DCX: variants seen among roughly 807,000 people sequenced by gnomAD.
DCX encodes neuronal migration protein doublecortin.
Under a neutral mutation model 20.9 loss-of-function variants are expected in DCX, and 4 were observed. The ratio of observed to expected loss-of-function variants is 0.19; its 90% CI spans 0.09 to 0.44. The LOEUF (loss-of-function observed/expected upper bound fraction) is 0.44, where lower values mean the gene tolerates loss of function less well. Among genes scored for constraint, DCX ranks in the 20% least tolerant of loss-of-function variants. The pLI is 0.99. For synonymous variants in DCX, 103 were observed against 111.4 expected, an observed-to-expected ratio of 0.92 and a Z score of 0.47; for missense variants, 133 against 296.9, an observed-to-expected ratio of 0.45 and a Z score of 4.06.
In DCX at chrX:111,339,966, T is replaced by C. The variant is rs190913676; in HGVS notation, c.706-6813A>G. Among the ~76,000 whole-genome samples, 3 of 112,738 alleles carry C rather than the reference T, an allele frequency of 2.7e-5. No homozygotes were observed. In the East Asian group the frequency reaches 8.4e-4, roughly 32 times the overall value. ...ACAACATAGCCTCATAACTGTTCTC[T>C]AGGCAGCATGCCCTCCCCATGCCCC... On this transcript the variant is annotated intron_variant, in intron 3 of 6. Transcript: ENST00000636035.
At chrX:111,366,793 A>C (rs1435160317) in intron 3 of DCX, among the ~76,000 whole-genome samples, 1 of 112,131 alleles carries the variant, frequency 8.9e-6, no homozygotes, top group Non-Finnish European at 1.9e-5. Flanking sequence ...GGAGTGACTT[A>C]GTCTAAAATC....
Position 111,365,730 on chromosome X carries a change from TC to T in DCX, c.706-32578del, listed in dbSNP as rs769980454. The stretch of plus-strand genomic sequence containing the variant: ...AAAAAAAGAAAACAAAGATGTATAG[TC>T]CTGCCACCTGGACAAATCCACTATT... On this transcript the variant is annotated intron_variant, in intron 3 of 6. Transcript: ENST00000636035. Among the ~76,000 whole-genome samples the T allele has an allele frequency of 1.1e-3, 125 of 111,428 alleles. 1 individual carries two copies. The highest frequency in any genetic ancestry group is 4.1e-3 in the Admixed American group (43 of 10,500).
At chrX:111,342,339 TTA>T (rs60045433) in intron 3 of DCX, among the ~76,000 whole-genome samples, 1,493 of 20,463 alleles carry the variant, frequency 0.073, 57 homozygotes, top group East Asian at 0.14. Flanking sequence ...GAGCTAACTA[TTA>T]TATATATATA....
In DCX at chrX:111,330,837, C is replaced by T; in HGVS notation, c.946+67G>A. 5 of 1,190,949 alleles carry T rather than the reference C, an allele frequency of 4.2e-6. No homozygotes were observed. In the South Asian group the frequency reaches 7.1e-5, roughly 17 times the overall value. On this transcript the variant is annotated intron_variant, in intron 5 of 6. Coordinates refer to ENST00000636035, the MANE Select transcript of DCX (RefSeq NM_001195553.2). Reference sequence around the variant, plus strand: ...TGGTGTTCATGAGGAACTGATTCCTCTGCATGCAGAAAGTATTGTCCTCCA... The same window carrying T: ...TGGTGTTCATGAGGAACTGATTCCTTTGCATGCAGAAAGTATTGTCCTCCA...
chrX:111,301,639 A>G lies in DCX; in HGVS notation c.*48T>C, dbSNP rs189964472. 2.2e-5 allele frequency: 26 copies of G among 1,166,441 alleles called. No homozygotes were observed. The East Asian group carries it at 3.9e-4, about 17-fold the overall frequency. On this transcript the variant is annotated 3_prime_UTR_variant, in exon 7 of 7. Coordinates refer to ENST00000636035, the MANE Select transcript of DCX (RefSeq NM_001195553.2). ...ACTTGAGCAGAAGTACCCTACTACA[A>G]TGATAGGCTTGGATTTGTACTCTGG...
At chrX:111,359,168 T>C (rs951992121) in intron 3 of DCX, among the ~76,000 whole-genome samples, 1 of 111,225 alleles carries the variant, frequency 9.0e-6, no homozygotes, top group East Asian at 2.8e-4. Flanking sequence ...AAATAGATTA[T>C]AGTATCTAAA....
intron 3 of DCX, among the ~76,000 whole-genome samples, chrX:111,374,417 T>C (rs1925359708): frequency 8.9e-6 from 1 of 112,021 alleles, no homozygotes; most frequent in African/African-American, 3.2e-5. Flanking sequence ...GGTTATACAT[T>C]AATACAATAC....
chrX:111,407,802 GCA>G (rs34206475), intron 2 of DCX, among the ~76,000 whole-genome samples: 3,391 of 90,161 alleles, frequency 0.038, 148 homozygotes, highest in African/African-American at 0.11. Context: ...ACATCAATAC[GCA>G]CACACACACA....
chrX:111,350,654 C>T (rs936062575), intron 3 of DCX, among the ~76,000 whole-genome samples: 2 of 112,117 alleles, frequency 1.8e-5, no homozygotes, highest in Non-Finnish European at 3.8e-5. Flanking sequence ...CTTCAGCGAT[C>T]TCCTGCTTCT....
At chrX:111,375,923 G>A (rs143572159) in intron 3 of DCX, among the ~76,000 whole-genome samples, 43 of 112,125 alleles carry the variant, frequency 3.8e-4, no homozygotes, top group African/African-American at 1.4e-3. Flanking sequence ...AAGTTTAGGA[G>A]CAACAACCAT....
chrX:111,350,931 A>C (rs1923251295), intron 3 of DCX, among the ~76,000 whole-genome samples: 1 of 112,032 alleles, frequency 8.9e-6, no homozygotes, highest in African/African-American at 3.2e-5. Context: ...AGGGAATGAG[A>C]ACCAAGTGAA....
At chrX:111,386,620 G>T (rs1926538887) in intron 3 of DCX, among the ~76,000 whole-genome samples, 1 of 110,958 alleles carries the variant, frequency 9.0e-6, no homozygotes, top group Non-Finnish European at 1.9e-5. Flanking sequence ...TGTTGCTAAG[G>T]AAGATTACAG....
rs964020197 is a variant in DCX, at chrX:111,347,650, G to A, written c.706-14497C>T. On this transcript the variant is annotated intron_variant, in intron 3 of 6. Transcript: ENST00000636035. ...TATAGCAAGTCATATTGAGACTGACGCCCGTCTGATCCTCCAGCCACTAGA... is the reference window on the plus strand; with the variant it reads ...TATAGCAAGTCATATTGAGACTGACACCCGTCTGATCCTCCAGCCACTAGA... 2.6e-3 allele frequency among the ~76,000 whole-genome samples: 292 copies of A among 111,310 alleles called. 1 individual carries two copies. Among genetic ancestry groups the A allele is most frequent in the African/African-American group, 9.1e-3 (280 of 30,635 alleles).
intron 3 of DCX, among the ~76,000 whole-genome samples, chrX:111,372,341 C>G (rs1248404049): frequency 8.9e-6 from 1 of 111,834 alleles, no homozygotes; most frequent in Non-Finnish European, 1.9e-5. Flanking sequence ...GTTACATCAT[C>G]GGCATCAGCT....
At chrX:111,335,451 G>A (rs1921629333) in intron 3 of DCX, among the ~76,000 whole-genome samples, 1 of 112,084 alleles carries the variant, frequency 8.9e-6, no homozygotes, top group Admixed American at 9.5e-5. Flanking sequence ...GGCTTTGTAA[G>A]GATACACAAA....
In DCX at chrX:111,335,721, G is replaced by T. The variant is rs1057502922; in HGVS notation, c.706-2568C>A. Among the ~76,000 whole-genome samples, 5 of 112,227 alleles carry T rather than the reference G, an allele frequency of 4.5e-5. No individual in the cohort carries two copies. The East Asian group carries it at 1.4e-3, about 32-fold the overall frequency. ...CCAGCACTTTGGGAGGCCAAGGCAG[G>T]TGGATCACGATGTCAGGAGATTGAG... is the stretch of plus-strand genomic sequence containing the variant. On this transcript the variant is annotated intron_variant, in intron 3 of 6. Coordinates refer to ENST00000636035, the MANE Select transcript of DCX (RefSeq NM_001195553.2).
intron 3 of DCX, among the ~76,000 whole-genome samples, chrX:111,350,053 T>C (rs1486228246): frequency 8.9e-6 from 1 of 111,933 alleles, no homozygotes; most frequent in Non-Finnish European, 1.9e-5. Context: ...TGATAAGAGC[T>C]ATGACCTTCA....
chrX:111,407,688 A>G (rs1014912004), intron 2 of DCX, among the ~76,000 whole-genome samples: 1 of 110,685 alleles, frequency 9.0e-6, no homozygotes, highest in Non-Finnish European at 1.9e-5. Flanking sequence ...GTTCAACCTA[A>G]TATGACTCAA....
At chrX:111,354,656 G>C (rs1923581981) in intron 3 of DCX, among the ~76,000 whole-genome samples, 1 of 112,384 alleles carries the variant, frequency 8.9e-6, no homozygotes, top group African/African-American at 3.2e-5. Context: ...CAAATTGAGG[G>C]ATGTGTACAG....
Sources: gnomAD v4.1 joint callset for allele counts (sites outside exome capture counted in the v4.1 genomes callset) on GRCh38, gnomAD v4.1.1 for gene constraint, MANE v1.5 for transcripts, NCBI Gene and HGNC (gene_info 2026-07-23, HGNC 2026-07-21) for gene names.